Variants in SMAD6 observed in about 807,000 individuals in gnomAD.
SMAD6 encodes the protein MAD homolog 6.
In SMAD6, 103 loss-of-function variants were observed where a neutral mutation model predicts 39.4. That is an observed-to-expected ratio of 2.62 (90% confidence interval 2.23 to 3.08). The LOEUF (loss-of-function observed/expected upper bound fraction) is 3.08. Ranked by LOEUF, SMAD6 falls within the 30% of genes most tolerant of loss-of-function variation. The probability of loss-of-function intolerance (pLI) is 0.00; values close to 1 mark genes in which losing one functional copy is unlikely to be tolerated. For synonymous variants in SMAD6, 445 were observed against 353.3 expected, an observed-to-expected ratio of 1.26 and a Z score of -2.91; for missense variants, 1,104 against 742.9, an observed-to-expected ratio of 1.49 and a Z score of -5.65.
chr15:66,709,591 G>A (rs187468990), intron 1 of SMAD6, among the ~76,000 whole-genome samples: 13 of 152,294 alleles, frequency 8.5e-5, no homozygotes, highest in Non-Finnish European at 5.9e-5. Flanking sequence ...AGAGCTCCAT[G>A]CCATGTGTGG....
intron 3 of SMAD6, among the ~76,000 whole-genome samples, chr15:66,735,537 G>A (rs560928644): frequency 6.6e-6 from 1 of 152,280 alleles, no homozygotes; most frequent in East Asian, 1.9e-4. Context: ...GTTTAGGTTG[G>A]GTTCTTAGAA....
chr15:66,742,575 C>G (rs1049684596), intron 3 of SMAD6, among the ~76,000 whole-genome samples: 1 of 152,070 alleles, frequency 6.6e-6, no homozygotes, highest in Non-Finnish European at 1.5e-5. Flanking sequence ...TCTTGAGGCC[C>G]CATGAGGTCT....
chr15:66,751,267 T>C (rs1445392506), intron 3 of SMAD6, among the ~76,000 whole-genome samples: 5 of 152,090 alleles, frequency 3.3e-5, no homozygotes, highest in Non-Finnish European at 7.4e-5. Context: ...AATCCGAAGG[T>C]GGGGCCAGTC....
rs1486242174 is a variant in SMAD6 at position 66,702,290 on chromosome 15, T to A, written c.-969T>A. 2 of 152,066 alleles carry A rather than the reference T, an allele frequency of 1.3e-5. No individual in the cohort carries two copies. The highest frequency in any genetic ancestry group is 4.8e-5 in the African/African-American group (2 of 41,380). 9.4% of individuals were successfully genotyped at this position (152,066 alleles called of 1,614,324 possible). On this transcript the variant is annotated 5_prime_UTR_variant, in exon 1 of 4. The change creates a premature stop within an existing upstream ORF in the 5' untranslated region. Coordinates refer to ENST00000288840, the MANE Select transcript of SMAD6 (RefSeq NM_005585.5). ...GGCGCTCCTCCGGGGGCCCTCAGTGTGCGTTTGAGGAGAACAAAAAAGAGA... is the reference window on the plus strand; with the variant it reads ...GGCGCTCCTCCGGGGGCCCTCAGTGAGCGTTTGAGGAGAACAAAAAAGAGA...
chr15:66,754,381 C>T (rs1894060610), intron 3 of SMAD6, among the ~76,000 whole-genome samples: 1 of 152,178 alleles, frequency 6.6e-6, no homozygotes, highest in Non-Finnish European at 1.5e-5. Context: ...CTTGCATCTT[C>T]TAAACAGCCT....
intron 3 of SMAD6, chr15:66,741,036 G>A (rs1411479983): frequency 6.6e-6 from 1 of 152,236 alleles, no homozygotes; most frequent in Non-Finnish European, 1.5e-5. Flanking sequence ...AGACATTTAC[G>A]AGGCTGGCTG....
chr15:66,770,014 G>T (rs1894353681), intron 3 of SMAD6, among the ~76,000 whole-genome samples: 1 of 152,178 alleles, frequency 6.6e-6, no homozygotes, highest in South Asian at 2.1e-4. Context: ...TTTTAGTAGA[G>T]ACAGGGTTTC....
At chr15:66,733,276 A>C (rs1030752245) in intron 3 of SMAD6, among the ~76,000 whole-genome samples, 2 of 152,140 alleles carry the variant, frequency 1.3e-5, no homozygotes, top group Non-Finnish European at 2.9e-5. Context: ...TGGCTAGTCT[A>C]GGCATTTGCA....
chr15:66,703,339 CGGCGGCGGCGGT>C lies in SMAD6; in HGVS notation c.89_100del (p.Gly30_Gly33del). The C allele has an allele frequency of 6.8e-7, 1 of 1,477,796 alleles. No homozygotes were observed. Among genetic ancestry groups the C allele is most frequent in the Non-Finnish European group, 9.0e-7 (1 of 1,113,440 alleles). 91.5% of individuals were successfully genotyped at this position (1,477,796 alleles called of 1,614,324 possible). A position where few individuals can be genotyped will look rare whatever the true frequency, so the allele number is the denominator to read the frequency against. On this transcript the variant is annotated inframe_deletion, in exon 1 of 4. Coordinates refer to ENST00000288840, the MANE Select transcript of SMAD6 (RefSeq NM_005585.5). ...TCCCCGACCGGGAGGAAGGCGGCAG[CGGCGGCGGCGGT>C]GGCGGCGACGAGGATGGGAGCTTGG...
chr15:66,774,156 A>G (rs989802994), intron 3 of SMAD6, among the ~76,000 whole-genome samples: 1 of 152,194 alleles, frequency 6.6e-6, no homozygotes, highest in African/African-American at 2.4e-5. Flanking sequence ...AGTCTGGCCA[A>G]AAGGAAAGCG....
At chr15:66,717,569 A>G (rs749967789) in intron 3 of SMAD6, 3 of 416,676 alleles carry the variant, frequency 7.2e-6, no homozygotes, top group African/African-American at 4.1e-5. Context: ...TCTCTCTGCA[A>G]CTCTAAGGAT....
At position 66,704,022 on chromosome 15, in the gene SMAD6, A is replaced by C. The variant is rs2140582733; in HGVS notation, c.764A>C (p.Asp255Ala). ...CGCHSFAAAA[D>A]GPTVCCNPYH... ...TGCCACAGCTTCGCCGCCGCCGCCG[A>C]CGGCCCTACCGTGTGCTGCAACCCC... The change falls in exon 1 of 4, where the codon GAC (aspartate) becomes GCC (alanine). Residue 255 changes from aspartate to alanine, a missense_variant. Transcript: ENST00000288840. 2.0e-6 allele frequency: 3 copies of C among 1,505,662 alleles called. No individual in the cohort carries two copies. Among genetic ancestry groups the C allele is most frequent in the African/African-American group, 1.4e-5 (1 of 69,488 alleles). The allele number at this position is 1,505,662 out of a possible 1,614,324, so 93.3% of individuals were successfully genotyped here. A position where few individuals can be genotyped will look rare whatever the true frequency, so the allele number is the denominator to read the frequency against.
chr15:66,717,160 C>CATCGAGGGCCAGG, intron 3 of SMAD6: 1 of 1,284,944 alleles, frequency 7.8e-7, no homozygotes, highest in Non-Finnish European at 1.0e-6. Flanking sequence ...GGACTGGGGA[C>CATCGAGGGCCAGG]ATCGAGGGCC....
chr15:66,721,436 T>TAA (rs1893430394), intron 3 of SMAD6, among the ~76,000 whole-genome samples: 1 of 152,144 alleles, frequency 6.6e-6, no homozygotes, highest in African/African-American at 2.4e-5. Context: ...GAGAGTTCCG[T>TAA]GTTCCAGGGT....
chr15:66,778,908 C>T (rs1291998093), intron 3 of SMAD6, among the ~76,000 whole-genome samples: 2 of 152,248 alleles, frequency 1.3e-5, no homozygotes, highest in Non-Finnish European at 2.9e-5. Flanking sequence ...CGTCCTGTCT[C>T]CCAGCATACT....
rs1424430018 is a variant in SMAD6 at position 66,780,992 on chromosome 15, C to T, written c.953-5C>T. Reference sequence around the variant, plus strand: ...AACGCGGCGGTCCCTGTGCTTGTCCCGCAGACGCCAGCATGTCTCCGGACG... The same window carrying T: ...AACGCGGCGGTCCCTGTGCTTGTCCTGCAGACGCCAGCATGTCTCCGGACG... On this transcript the variant is annotated splice_polypyrimidine_tract_variant and splice_region_variant and intron_variant, in intron 3 of 3. Transcript: ENST00000288840. 4.5e-6 allele frequency: 7 copies of T among 1,558,320 alleles called. No individual in the cohort carries two copies. Among genetic ancestry groups the T allele is most frequent in the African/African-American group, 1.4e-5 (1 of 73,836 alleles).
chr15:66,757,773 G>T (rs1455381529), intron 3 of SMAD6, among the ~76,000 whole-genome samples: 1 of 152,252 alleles, frequency 6.6e-6, no homozygotes, highest in Non-Finnish European at 1.5e-5. Context: ...CAGCCTGGAT[G>T]CCAGAATGTC....
At chr15:66,725,601 G>A (rs2140618130) in intron 3 of SMAD6, among the ~76,000 whole-genome samples, 1 of 152,346 alleles carries the variant, frequency 6.6e-6, no homozygotes. Context: ...GGACAGAGCA[G>A]GGAGAAGCTG....
chr15:66,751,335 A>G (rs572696436), intron 3 of SMAD6, among the ~76,000 whole-genome samples: 86 of 152,268 alleles, frequency 5.6e-4, no homozygotes, highest in African/African-American at 2.0e-3. Flanking sequence ...CTACTCGCCC[A>G]CCAATTGTGA....
Sources: gnomAD v4.1 joint callset for allele counts (sites outside exome capture counted in the v4.1 genomes callset) on GRCh38, gnomAD v4.1.1 for gene constraint, MANE v1.5 for transcripts, NCBI Gene and HGNC (gene_info 2026-07-23, HGNC 2026-07-21) for gene names.